Variants in SP100 observed in about 807,000 individuals in gnomAD.
SP100 encodes nuclear autoantigen Sp-100.
Under a neutral mutation model 130.0 loss-of-function variants are expected in SP100, and 84 were observed. That is an observed-to-expected ratio of 0.65 (90% CI 0.54 to 0.77). The LOEUF is 0.77. Among genes scored for constraint, SP100 ranks in the 30% least tolerant of loss-of-function variants. The pLI, the probability that SP100 is intolerant of heterozygous loss-of-function variation, is 0.00. For synonymous variants in SP100, 331 were observed against 351.7 expected (o/e 0.94, Z 0.66); for missense variants, 978 against 1,052.2 (o/e 0.93, Z 0.97).
Position 230,452,778 on chromosome 2 carries a change from T to C in SP100, c.820+2523T>C, listed in dbSNP as rs529270330. 5.9e-5 allele frequency among the ~76,000 whole-genome samples: 9 copies of C among 152,126 alleles called. No individual in the cohort carries two copies. The East Asian group carries it at 1.7e-3, about 29-fold the overall frequency. ...AACTGATTTTTGTATGTTGCGTTTG[T>C]ATCCTGCCACTTTACTGAATTTGTT... On this transcript the variant is annotated intron_variant, in intron 8 of 28. Transcript: ENST00000340126.
chr2:230,416,439 CA>C, intron 1 of SP100, 111 bp downstream of exon 1: 1 of 894,780 alleles, frequency 1.1e-6, no homozygotes, highest in Non-Finnish European at 1.7e-6. Context: ...TTTGCAAGAA[CA>C]TAGGTATGCG....
At chr2:230,534,118 G>A (rs1026927490) in intron 24 of SP100, among the ~76,000 whole-genome samples, 1 of 152,148 alleles carries the variant, frequency 6.6e-6, no homozygotes, top group African/African-American at 2.4e-5. Flanking sequence ...CTAGAAAAGG[G>A]TAAATGTCAG....
At chr2:230,482,566 T>C (rs890234824) in intron 17 of SP100, among the ~76,000 whole-genome samples, 8 of 148,600 alleles carry the variant, frequency 5.4e-5, no homozygotes, top group Non-Finnish European at 1.2e-4. Flanking sequence ...TTTAATTCTT[T>C]TAGAATTGAT....
chr2:230,444,066 G>GA, intron 3 of SP100, 112 bp from the exon 4 acceptor site: 1 of 780,052 alleles, frequency 1.3e-6, no homozygotes, highest in Non-Finnish European at 2.0e-6. Flanking sequence ...AACCTCACAT[G>GA]AAAATACCTA....
At chr2:230,509,138 G>A (rs1690386728) in intron 23 of SP100, 1 of 152,204 alleles carries the variant, frequency 6.6e-6, no homozygotes, top group South Asian at 2.1e-4. Context: ...TTCTCCCTCT[G>A]TGGAGGTAGT....
intron 18 of SP100, among the ~76,000 whole-genome samples, chr2:230,496,273 T>G (rs978820481): frequency 1.3e-5 from 2 of 152,232 alleles, no homozygotes; most frequent in African/African-American, 4.8e-5. Context: ...ATGGATGAAG[T>G]CTTAGGTAAG....
At position 230,507,994 on chromosome 2, in the gene SP100, A is replaced by G; in HGVS notation, c.2015A>G (p.Asn672Ser). 1 of 1,613,264 alleles carries G rather than the reference A, an allele frequency of 6.2e-7. No homozygotes were observed. Residue 672 changes from asparagine to serine, a missense_variant and splice_region_variant, in exon 23 of 29, where the codon AAC (asparagine) becomes AGC (serine). Asn to Ser is a conservative substitution (Grantham distance 46). Coordinates refer to ENST00000340126, the MANE Select transcript of SP100 (RefSeq NM_001080391.2). ...GGYTLKVLMENKFLPEPPSTR... is the reference protein window; with the variant it reads ...GGYTLKVLMESKFLPEPPSTR... The stretch of plus-strand genomic sequence containing the variant: ...TCATTTATCTCTTTTCTTTTTTAGA[A>G]CAAATTTCTGCCAGAACCACCAAGC...
chr2:230,509,631 C>T (rs1690423062), intron 23 of SP100: 1 of 152,108 alleles, frequency 6.6e-6, no homozygotes, highest in African/African-American at 2.4e-5. Flanking sequence ...AGAGGATCTC[C>T]CCGGAGGGTC....
intron 8 of SP100, among the ~76,000 whole-genome samples, chr2:230,457,007 CTG>C (rs2064307489): frequency 6.6e-6 from 1 of 152,168 alleles, no homozygotes; most frequent in Admixed American, 6.5e-5. Context: ...ACATTTATGT[CTG>C]TACATTTGAG....
chr2:230,446,703 G>A, intron 4 of SP100, 116 bp from the exon 5 acceptor site: 1 of 631,536 alleles, frequency 1.6e-6, no homozygotes, highest in Non-Finnish European at 2.8e-6. Context: ...AGGTCATGTG[G>A]AACCCTCTGA....
Position 230,508,135 on chromosome 2 carries a change from G to T in SP100, c.2052+104G>T. ...AAATTGACCCATCATCATAAAATTTGATTTTATAATATGATGCTTTTGCAG... is the reference window on the plus strand; with the variant it reads ...AAATTGACCCATCATCATAAAATTTTATTTTATAATATGATGCTTTTGCAG... On this transcript the variant is annotated intron_variant, in intron 23 of 28. Transcript: ENST00000340126. 6 of 1,530,524 alleles carry T rather than the reference G, an allele frequency of 3.9e-6. No homozygotes were observed. In the South Asian group the frequency reaches 6.3e-5, roughly 16 times the overall value. The allele number at this position is 1,530,524 out of a possible 1,614,324, so 94.8% of individuals were successfully genotyped here. A position where few individuals can be genotyped will look rare whatever the true frequency, so the allele number is the denominator to read the frequency against.
intron 20 of SP100, among the ~76,000 whole-genome samples, 197 bp from the exon 21 acceptor site, chr2:230,503,989 G>T (rs1291969378): frequency 6.6e-6 from 1 of 152,190 alleles, no homozygotes; most frequent in Non-Finnish European, 1.5e-5. Context: ...TCATATTTTA[G>T]AGGGTGGAAT....
intron 7 of SP100, 123 bp downstream of exon 7, chr2:230,449,833 A>G (rs571067180): frequency 2.0e-6 from 2 of 995,008 alleles, no homozygotes; most frequent in Non-Finnish European, 3.1e-6. Flanking sequence ...AATCACATAG[A>G]CACAGAGGGG....
In SP100 at chr2:230,435,976, C is replaced by A. The variant is rs371372967; in HGVS notation, c.108-6961C>A. Among the ~76,000 whole-genome samples the A allele has an allele frequency of 4.2e-5, 5 of 120,014 alleles. No homozygotes were observed. The East Asian group carries it at 5.9e-4, about 14-fold the overall frequency. The allele number at this position is 120,014 out of a possible 152,430, so 78.7% of individuals were successfully genotyped here. ...GCAGGGACATGGATGAAGCTGGAGG[C>A]CATTATCCTTAGCAAACTAATGCAG... On this transcript the variant is annotated intron_variant, in intron 2 of 28. Coordinates refer to ENST00000340126, the MANE Select transcript of SP100 (RefSeq NM_001080391.2).
At chr2:230,456,541 A>G (rs1250507379) in intron 8 of SP100, among the ~76,000 whole-genome samples, 1 of 152,102 alleles carries the variant, frequency 6.6e-6, no homozygotes, top group African/African-American at 2.4e-5. Context: ...AATTCCTGTG[A>G]TTCAAATATT....
chr2:230,439,452 C>T (rs1213488362), intron 2 of SP100, among the ~76,000 whole-genome samples: 1 of 152,030 alleles, frequency 6.6e-6, no homozygotes, highest in African/African-American at 2.4e-5. Context: ...TTTCCATTTG[C>T]TTGTGGCATC....
At chr2:230,458,694 A>C (rs1245178022) in intron 8 of SP100, among the ~76,000 whole-genome samples, 3 of 152,190 alleles carry the variant, frequency 2.0e-5, no homozygotes, top group Admixed American at 6.5e-5. Context: ...TTCAGGAAGG[A>C]ATGGCAAGTG....
At chr2:230,438,925 T>C (rs2063383321) in intron 2 of SP100, among the ~76,000 whole-genome samples, 1 of 152,172 alleles carries the variant, frequency 6.6e-6, no homozygotes, top group Non-Finnish European at 1.5e-5. Context: ...AAGGAATCTT[T>C]ATACTGTTTT....
At chr2:230,498,011 A>G (rs896318770) in intron 18 of SP100, among the ~76,000 whole-genome samples, 8 of 152,190 alleles carry the variant, frequency 5.3e-5, no homozygotes, top group African/African-American at 1.7e-4. Flanking sequence ...GAAATCTGCA[A>G]TGCTTCACTT....
Sources: gnomAD v4.1 joint callset for allele counts (sites outside exome capture counted in the v4.1 genomes callset) on GRCh38, gnomAD v4.1.1 for gene constraint, MANE v1.5 for transcripts, NCBI Gene and HGNC (gene_info 2026-07-23, HGNC 2026-07-21) for gene names.